Variants in LHPP observed in about 807,000 individuals in gnomAD.
LHPP encodes the protein hLHPP.
Under a neutral mutation model 30.3 loss-of-function variants are expected in LHPP, and 24 were observed. That is an observed-to-expected ratio of 0.79 (90% CI 0.57 to 1.11). The LOEUF is 1.11. Among genes scored for constraint, LHPP ranks in the 50% most tolerant of loss-of-function variants. The probability of loss-of-function intolerance (pLI) is 0.00; values close to 1 mark genes in which losing one functional copy is unlikely to be tolerated. For missense variants in LHPP, 356 were observed against 367.2 expected (o/e 0.97, Z 0.25); for synonymous variants, 150 against 157.1 (o/e 0.95, Z 0.34).
chr10:124,577,707 C>A (rs1948685897), intron 6 of LHPP, among the ~76,000 whole-genome samples: 1 of 152,064 alleles, frequency 6.6e-6, no homozygotes, highest in Non-Finnish European at 1.5e-5. Context: ...CACATGCATG[C>A]ACATGCATAT....
At chr10:124,493,861 A>G (rs1157687846) in intron 3 of LHPP, 1 of 152,228 alleles carries the variant, frequency 6.6e-6, no homozygotes, top group African/African-American at 2.4e-5. Flanking sequence ...ATATTAAAAA[A>G]AAATTTTAAG....
At chr10:124,513,488 C>T (rs1405818958) in intron 5 of LHPP, among the ~76,000 whole-genome samples, 4 of 109,184 alleles carry the variant, frequency 3.7e-5, no homozygotes, top group African/African-American at 8.1e-5. Flanking sequence ...TTTTTGAGAC[C>T]GAGTCTCACT....
At chr10:124,531,903 G>A (rs1045880860) in intron 6 of LHPP, among the ~76,000 whole-genome samples, 13 of 152,140 alleles carry the variant, frequency 8.5e-5, no homozygotes, top group Admixed American at 2.0e-4. Context: ...TATGATGGTC[G>A]CCAAATAACT....
chr10:124,580,526 T>C (rs1948729771), intron 6 of LHPP, among the ~76,000 whole-genome samples: 1 of 152,194 alleles, frequency 6.6e-6, no homozygotes, highest in Non-Finnish European at 1.5e-5. Flanking sequence ...ACCTTTTCTC[T>C]CACTGACTTA....
At chr10:124,574,263 C>T (rs774428305) in intron 6 of LHPP, among the ~76,000 whole-genome samples, 24 of 152,230 alleles carry the variant, frequency 1.6e-4, no homozygotes, top group Non-Finnish European at 2.9e-4. Context: ...GGCAGCGTGG[C>T]GCTGAGGGGC....
intron 6 of LHPP, among the ~76,000 whole-genome samples, chr10:124,521,713 C>T (rs370104937): frequency 2.0e-4 from 30 of 151,988 alleles, no homozygotes; most frequent in African/African-American, 4.8e-4. Flanking sequence ...GGGCAGCTGG[C>T]GGGTGGGGGC....
chr10:124,479,383 G>T (rs1953056352), intron 1 of LHPP, among the ~76,000 whole-genome samples: 1 of 152,214 alleles, frequency 6.6e-6, no homozygotes, highest in African/African-American at 2.4e-5. Context: ...TGTACTTCAT[G>T]CCTCCCAAGG....
intron 6 of LHPP, chr10:124,605,111 G>A (rs935389026): frequency 1.3e-5 from 2 of 152,352 alleles, no homozygotes; most frequent in Admixed American, 6.5e-5. Context: ...ATTTTCCTTC[G>A]ATTGGTACAA....
Position 124,593,434 on chromosome 10 carries a change from C to T in LHPP, c.717-19830C>T, listed in dbSNP as rs1352202221. ...ATGGGAGAGGTTGCATCCTAAAGGC[C>T]CTCCATCTCTCAGGTTGGGGGATCA... On this transcript the variant is annotated intron_variant, in intron 6 of 6. Transcript: ENST00000368842. The surrounding 1 kb of genome is among the most constrained non-coding windows in gnomAD (Gnocchi z 4.9). 6.6e-6 allele frequency among the ~76,000 whole-genome samples: 1 copy of T among 152,190 alleles called. No homozygotes were observed. Among genetic ancestry groups the T allele is most frequent in the Non-Finnish European group, 1.5e-5 (1 of 68,038 alleles).
chr10:124,483,926 G>A (rs1056285781), intron 1 of LHPP, among the ~76,000 whole-genome samples: 3 of 152,030 alleles, frequency 2.0e-5, no homozygotes, highest in Admixed American at 6.6e-5. Context: ...TTGTCGGGGC[G>A]TGGTATGGGG....
intron 6 of LHPP, among the ~76,000 whole-genome samples, chr10:124,561,718 C>T (rs1415665434): frequency 6.6e-6 from 1 of 151,662 alleles, no homozygotes; most frequent in Non-Finnish European, 1.5e-5. Context: ...GCAGCACTAC[C>T]CTCTTCCCCT....
At chr10:124,493,163 C>T (rs370386352) in intron 3 of LHPP, among the ~76,000 whole-genome samples, 3 of 151,208 alleles carry the variant, frequency 2.0e-5, no homozygotes, top group Non-Finnish European at 2.9e-5. Flanking sequence ...TTTGTAATAC[C>T]GCAGCAAATG....
chr10:124,603,278 C>T (rs1420806928), intron 6 of LHPP, among the ~76,000 whole-genome samples: 2 of 152,188 alleles, frequency 1.3e-5, no homozygotes, highest in African/African-American at 4.8e-5. Context: ...TTCTCATCCA[C>T]ACACACATTC....
chr10:124,498,182 C>CGCCCCGTCAGGGAGGCA, intron 5 of LHPP, 54 bp downstream of exon 5: 1 of 1,560,020 alleles, frequency 6.4e-7, no homozygotes, highest in Non-Finnish European at 8.8e-7. Context: ...TCAGGGAGGC[C>CGCCCCGTCAGGGAGGCA]CTGGAGCTTG....
At position 124,510,671 on chromosome 10, in the gene LHPP, C is replaced by T. The variant is rs546592378; in HGVS notation, c.625-6509C>T. Reference sequence around the variant, plus strand: ...GAGCATGCACACAGTTTCATTTTCCCCGGAAGCATGGAGGTGTAGGATGAC... The same window carrying T: ...GAGCATGCACACAGTTTCATTTTCCTCGGAAGCATGGAGGTGTAGGATGAC... On this transcript the variant is annotated intron_variant, in intron 5 of 6. Transcript: ENST00000368842. This position sits in a 1 kb window ranked among gnomAD's most constrained non-coding sequence, Gnocchi z 4.0. 3.9e-5 allele frequency among the ~76,000 whole-genome samples: 6 copies of T among 152,316 alleles called. No homozygotes were observed. The East Asian group carries it at 1.2e-3, about 29-fold the overall frequency.
chr10:124,551,337 C>T (rs2133959009), intron 6 of LHPP, among the ~76,000 whole-genome samples: 1 of 152,322 alleles, frequency 6.6e-6, no homozygotes, highest in African/African-American at 2.4e-5. Flanking sequence ...TCCACCCCTC[C>T]CTCTGCATCC....
At chr10:124,545,030 G>A (rs1233728735) in intron 6 of LHPP, among the ~76,000 whole-genome samples, 2 of 152,130 alleles carry the variant, frequency 1.3e-5, no homozygotes, top group Non-Finnish European at 2.9e-5. Flanking sequence ...TGGGTGCTTT[G>A]AGCTGAGTGA....
At position 124,498,608 on chromosome 10, in the gene LHPP, C is replaced by T; in HGVS notation, c.624+480C>T. 3.9e-6 allele frequency: 3 copies of T among 773,762 alleles called. No homozygotes were observed. In the Admixed American group the frequency reaches 7.6e-5, roughly 20 times the overall value. The allele number at this position is 773,762 out of a possible 1,614,324, so 47.9% of individuals were successfully genotyped here. On this transcript the variant is annotated intron_variant, in intron 5 of 6. Coordinates refer to ENST00000368842, the MANE Select transcript of LHPP (RefSeq NM_022126.4). ...TATGATTTTATTGTCTACACCTACC[C>T]CAACCCTAAGTGAGTCTGGCTTCGT...
At chr10:124,610,678 AGCGGGT>A (rs1225490198) in intron 6 of LHPP, among the ~76,000 whole-genome samples, 1 of 66,804 alleles carries the variant, frequency 1.5e-5, no homozygotes, top group African/African-American at 9.0e-5. Flanking sequence ...GTGCTGGTGG[AGCGGGT>A]GCGGGTGCGG....
Sources: gnomAD v4.1 joint callset for allele counts (sites outside exome capture counted in the v4.1 genomes callset) on GRCh38, gnomAD v4.1.1 for gene constraint, Gnocchi (gnomAD v3.1) non-coding constraint, MANE v1.5 for transcripts, NCBI Gene and HGNC (gene_info 2026-07-23, HGNC 2026-07-21) for gene names.